Variants in TCF12 observed in about 807,000 individuals in gnomAD.
TCF12 encodes DNA-binding protein HTF4.
TCF12 carries 45 observed loss-of-function variants against 86.0 expected under a neutral mutation model. That is an observed-to-expected ratio of 0.52 (90% CI 0.41 to 0.67). The LOEUF is 0.67. Among genes scored for constraint, TCF12 ranks in the 30% least tolerant of loss-of-function variants. The pLI is 0.00. For missense variants in TCF12, 881 were observed against 859.9 expected (o/e 1.02, Z -0.31); for synonymous variants, 330 against 299.6 (o/e 1.10, Z -1.05).
intron 3 of TCF12, among the ~76,000 whole-genome samples, chr15:57,007,516 T>A (rs1726940208): frequency 6.6e-6 from 1 of 152,216 alleles, no homozygotes; most frequent in Middle Eastern, 3.2e-3. Context: ...AATTATGTAT[T>A]GAGATCCCTC....
At chr15:56,938,768 A>G (rs1425015772) in intron 3 of TCF12, among the ~76,000 whole-genome samples, 2 of 151,082 alleles carry the variant, frequency 1.3e-5, no homozygotes, top group African/African-American at 2.4e-5. Flanking sequence ...CCCTATCTCC[A>G]TTGGGGATCC....
rs1310848109 is a variant in TCF12, at chr15:56,999,168, A to T, written c.149-64582A>T. Among the ~76,000 whole-genome samples the T allele has an allele frequency of 1.3e-5, 2 of 149,918 alleles. 1 individual carries two copies. The highest frequency in any genetic ancestry group is 4.9e-5 in the African/African-American group (2 of 40,884). ...AGCTGAGATCGCGCCACTGCACTCCAGCCTGGGTGACAGAGTGAGACTCCA... is the reference window on the plus strand; with the variant it reads ...AGCTGAGATCGCGCCACTGCACTCCTGCCTGGGTGACAGAGTGAGACTCCA... On this transcript the variant is annotated intron_variant, in intron 3 of 20. Coordinates refer to ENST00000333725, the MANE Select transcript of TCF12 (RefSeq NM_207037.2).
intron 2 of TCF12, 62 bp downstream of exon 2, chr15:56,920,050 G>GTTTT: frequency 1.3e-6 from 2 of 1,560,034 alleles, no homozygotes; most frequent in East Asian, 4.5e-5. Context: ...TTGTTTGTTT[G>GTTTT]TTTCTTTTAA....
chr15:57,074,238 T>G (rs2069675985), intron 4 of TCF12, among the ~76,000 whole-genome samples: 1 of 152,190 alleles, frequency 6.6e-6, no homozygotes. Flanking sequence ...CAAAGAGCTT[T>G]TTCTCATAGG....
intron 4 of TCF12, among the ~76,000 whole-genome samples, chr15:57,090,116 CCTGAGGTGGGAGG>C (rs1329345463): frequency 6.6e-6 from 1 of 151,928 alleles, no homozygotes; most frequent in African/African-American, 2.4e-5. Context: ...CTCCTGGGAG[CCTGAGGTGGGAGG>C]ATCACTTGAG....
intron 5 of TCF12, among the ~76,000 whole-genome samples, chr15:57,120,294 G>A: frequency 6.6e-6 from 1 of 152,128 alleles, no homozygotes; most frequent in East Asian, 1.9e-4. Flanking sequence ...TTTTGTCTGT[G>A]GCTCCCTGTA....
chr15:57,100,212 G>A (rs1250806524), intron 5 of TCF12, among the ~76,000 whole-genome samples: 1 of 152,114 alleles, frequency 6.6e-6, no homozygotes, highest in African/African-American at 2.4e-5. Context: ...TGGATGACAG[G>A]GGCCGTGGCT....
chr15:57,104,800 G>T (rs1282564653), intron 5 of TCF12, among the ~76,000 whole-genome samples: 2 of 149,290 alleles, frequency 1.3e-5, no homozygotes, highest in Non-Finnish European at 3.0e-5. Context: ...CTTTGAGCAG[G>T]ATTTAGGCAT....
At chr15:57,068,641 C>T (rs545960898) in intron 4 of TCF12, among the ~76,000 whole-genome samples, 5 of 152,098 alleles carry the variant, frequency 3.3e-5, no homozygotes, top group South Asian at 2.1e-4. Flanking sequence ...TAATCAAATT[C>T]GGGAACAATC....
At chr15:57,151,251 G>A (rs1305543142) in intron 5 of TCF12, among the ~76,000 whole-genome samples, 2 of 151,292 alleles carry the variant, frequency 1.3e-5, no homozygotes, top group Non-Finnish European at 2.9e-5. Flanking sequence ...GAGTTGCTGG[G>A]ATTATATGTG....
intron 3 of TCF12, among the ~76,000 whole-genome samples, chr15:57,014,325 G>T (rs1225528187): frequency 6.6e-6 from 1 of 152,094 alleles, no homozygotes; most frequent in East Asian, 1.9e-4. Flanking sequence ...ACTCTACAGT[G>T]GGCTGTTAGT....
At chr15:56,998,524 G>A (rs139473139) in intron 3 of TCF12, among the ~76,000 whole-genome samples, 67 of 150,692 alleles carry the variant, frequency 4.4e-4, no homozygotes, top group African/African-American at 1.6e-3. Flanking sequence ...GACATTTGTA[G>A]TATGCTTTAC....
chr15:57,262,098 G>A lies in TCF12; in HGVS notation c.1472G>A (p.Gly491Glu). The change falls in exon 17 of 21, where the codon GGA becomes GAA. Residue 491 changes from glycine (G) to glutamate (E), a missense_variant. Physicochemically the swap from Gly to Glu is moderately conservative, Grantham distance 98. Transcript: ENST00000333725. ...TTGGGTTTTCCTTAACTTTAGGTTG[G>A]AACTCATCGGGAAGACTCTGTCAGT... is the stretch of plus-strand genomic sequence containing the variant. ...VASSRSASMV[G>E]THREDSVSLN... The A allele has an allele frequency of 6.2e-7, 1 of 1,609,322 alleles. No homozygotes were observed. The highest frequency in any genetic ancestry group is 8.5e-7 in the Non-Finnish European group (1 of 1,177,416).
At chr15:57,189,182 A>G (rs1408007213) in intron 6 of TCF12, among the ~76,000 whole-genome samples, 1 of 152,196 alleles carries the variant, frequency 6.6e-6, no homozygotes, top group Non-Finnish European at 1.5e-5. Context: ...TATCTTTATG[A>G]CCTTGAATTT....
chr15:57,129,182 T>G (rs529596891), intron 5 of TCF12, among the ~76,000 whole-genome samples: 1 of 152,356 alleles, frequency 6.6e-6, no homozygotes, highest in South Asian at 2.1e-4. Flanking sequence ...CTTCACATCT[T>G]TGCCAACATG....
chr15:57,262,128 A>T lies in TCF12; in HGVS notation c.1502A>T (p.Asn501Ile). The T allele has an allele frequency of 6.2e-7, 1 of 1,613,576 alleles. No homozygotes were observed. The highest frequency in any genetic ancestry group is 8.5e-7 in the Non-Finnish European group (1 of 1,179,682). Reference protein sequence around the residue: ...GTHREDSVSLNGNHSVLSSTV... With the variant: ...GTHREDSVSLIGNHSVLSSTV... ...CATCGGGAAGACTCTGTCAGTCTCA[A>T]TGGCAATCATTCAGTCCTGTCTAGT... Residue 501 changes from asparagine (N) to isoleucine (I), a missense_variant, in exon 17 of 21, where the codon AAT (asparagine) becomes ATT (isoleucine). This residue lies in a region of TCF12 where 766 missense variants were observed against 718.9 expected (regional missense o/e 1.07). Transcript: ENST00000333725.
chr15:57,263,877 T>G (rs2060706610), intron 18 of TCF12, among the ~76,000 whole-genome samples: 1 of 152,114 alleles, frequency 6.6e-6, no homozygotes, highest in South Asian at 2.1e-4. Context: ...GGTACCCGTA[T>G]AGGCCACTTA....
chr15:56,983,549 G>A (rs2062997361), intron 3 of TCF12, among the ~76,000 whole-genome samples: 1 of 152,074 alleles, frequency 6.6e-6, no homozygotes, highest in South Asian at 2.1e-4. Flanking sequence ...TATATATTAT[G>A]TAACATTTCC....
At chr15:56,918,201 A>G (rs934694275), upstream of TCF12, 10 of 456,022 alleles carry the variant, frequency 2.2e-5, no homozygotes, top group East Asian at 4.9e-4. Flanking sequence ...GTCCAGCGTG[A>G]CCTACTCGGG....
Sources: gnomAD v4.1 joint callset for allele counts (sites outside exome capture counted in the v4.1 genomes callset) on GRCh38, gnomAD v4.1.1 for gene constraint, gnomAD v4.1.1 regional missense constraint, MANE v1.5 for transcripts, NCBI Gene and HGNC (gene_info 2026-07-23, HGNC 2026-07-21) for gene names.